The following TMEM156 variants were observed in gnomAD, a reference collection of about 807,000 sequenced individuals.
TMEM156 encodes the protein transmembrane protein 156.
TMEM156 carries 28 observed loss-of-function variants against 30.5 expected under a neutral mutation model. The ratio of observed to expected loss-of-function variants is 0.92; its 90% CI spans 0.68 to 1.26. The LOEUF is 1.26. TMEM156 is among the 50% of genes most tolerant of loss of function. The pLI is 0.00. For synonymous variants in TMEM156, 137 were observed against 119.9 expected (o/e 1.14, Z -0.93); for missense variants, 351 against 340.6 (o/e 1.03, Z -0.24).
chr4:39,000,164 T>G (rs1577550503), intron 1 of TMEM156, among the ~76,000 whole-genome samples: 2 of 152,008 alleles, frequency 1.3e-5, no homozygotes, highest in Admixed American at 6.6e-5. Flanking sequence ...GAGGCAGAGG[T>G]GGGCAGATTG....
At chr4:38,992,295 A>AC (rs1712523400) in intron 3 of TMEM156, among the ~76,000 whole-genome samples, 1 of 151,754 alleles carries the variant, frequency 6.6e-6, no homozygotes. Context: ...TAACTTCATG[A>AC]CCCCAACACC....
rs778075341 is a variant in TMEM156 at position 38,998,664 on chromosome 4, T to C, written c.334A>G (p.Ile112Val). The change falls in exon 2 of 7, where the codon ATT (isoleucine) becomes GTT (valine). Residue 112 changes from isoleucine (I) to valine (V), a missense_variant. Transcript: ENST00000381938. ...CCTTTTGATGTTTGTTCCTGAGAAA[T>C]AAAATCCATGTTTCCTTTAGACTCA... Reference protein sequence around the residue: ...VCESKGNMDFISQEQTSKVLI... With the variant: ...VCESKGNMDFVSQEQTSKVLI... The C allele has an allele frequency of 3.1e-6, 5 of 1,611,852 alleles. No individual in the cohort carries two copies. Among genetic ancestry groups the C allele is most frequent in the Admixed American group, 1.7e-5 (1 of 59,826 alleles).
intron 5 of TMEM156, among the ~76,000 whole-genome samples, chr4:38,971,803 T>C (rs539984289): frequency 3.7e-4 from 56 of 152,282 alleles, no homozygotes; most frequent in African/African-American, 1.3e-3. Context: ...TAATTTTTTT[T>C]TTTAAGACAG....
intron 5 of TMEM156, among the ~76,000 whole-genome samples, chr4:38,973,005 C>T (rs1033668575): frequency 7.9e-5 from 12 of 152,188 alleles, no homozygotes; most frequent in Middle Eastern, 3.4e-3. Context: ...ATAAATGAGT[C>T]GTAGCATTGA....
chr4:39,022,661 A>G (rs1714947916), intron 1 of TMEM156, among the ~76,000 whole-genome samples: 1 of 152,206 alleles, frequency 6.6e-6, no homozygotes, highest in Non-Finnish European at 1.5e-5. Flanking sequence ...GTTGACCTCT[A>G]CCAATAAGTG....
chr4:39,013,972 T>G (rs2110030512), intron 1 of TMEM156, among the ~76,000 whole-genome samples: 1 of 152,318 alleles, frequency 6.6e-6, no homozygotes, highest in East Asian at 1.9e-4. Flanking sequence ...ATATGGTCTC[T>G]GTTGCAACTA....
chr4:39,017,205 C>CAA (rs1560382951), intron 1 of TMEM156, among the ~76,000 whole-genome samples: 67 of 111,586 alleles, frequency 6.0e-4, no homozygotes, highest in African/African-American at 2.4e-3. Flanking sequence ...GACAGAGTCT[C>CAA]GCTCTGTCTC....
At chr4:39,011,405 C>G (rs1427387945) in intron 1 of TMEM156, among the ~76,000 whole-genome samples, 3 of 152,068 alleles carry the variant, frequency 2.0e-5, no homozygotes, top group Admixed American at 1.3e-4. Flanking sequence ...GGGAATATAC[C>G]TAAAAGAAGA....
chr4:38,993,645 T>C lies in TMEM156; in HGVS notation c.619+93A>G, dbSNP rs1712701301. Reference sequence around the variant, plus strand: ...TATTTCATCAGTAAAATTCTTCAGCTATTTGGCTTTCAGTTAATGTGATAG... The same window carrying C: ...TATTTCATCAGTAAAATTCTTCAGCCATTTGGCTTTCAGTTAATGTGATAG... On this transcript the variant is annotated intron_variant, in intron 3 of 6. Transcript: ENST00000381938. The C allele has an allele frequency of 3.0e-6, 3 of 992,706 alleles. No individual in the cohort carries two copies. In the Admixed American group the frequency reaches 7.2e-5, roughly 24 times the overall value. 61.5% of individuals were successfully genotyped at this position (992,706 alleles called of 1,614,324 possible).
intron 1 of TMEM156, among the ~76,000 whole-genome samples, chr4:39,000,468 C>A (rs10030495): frequency 6.6e-6 from 1 of 152,096 alleles, no homozygotes. Flanking sequence ...TTAATCTCCA[C>A]GAGTCTAATT....
chr4:38,977,817 G>T (rs1722942263), intron 5 of TMEM156, among the ~76,000 whole-genome samples: 1 of 152,154 alleles, frequency 6.6e-6, no homozygotes, highest in Non-Finnish European at 1.5e-5. Flanking sequence ...GGATTTTCAG[G>T]AGTAGAAACT....
intron 5 of TMEM156, among the ~76,000 whole-genome samples, chr4:38,977,231 T>C (rs1319104152): frequency 6.6e-6 from 1 of 152,142 alleles, no homozygotes; most frequent in African/African-American, 2.4e-5. Context: ...AAGGTTAAGA[T>C]ATCAAAAGAG....
At chr4:38,999,216 A>T (rs1005557371) in intron 1 of TMEM156, among the ~76,000 whole-genome samples, 7 of 150,342 alleles carry the variant, frequency 4.7e-5, no homozygotes, top group African/African-American at 1.7e-4. Context: ...TCCCAGGCTC[A>T]GGCAATTCTC....
rs1482617467 is a variant in TMEM156 at position 38,993,874 on chromosome 4, T to C, written c.483A>G (p.Leu161=). 1 of 1,614,022 alleles carries C rather than the reference T, an allele frequency of 6.2e-7. No homozygotes were observed. Among genetic ancestry groups the C allele is most frequent in the Non-Finnish European group, 8.5e-7 (1 of 1,180,022 alleles). Reference sequence around the variant, plus strand: ...TTGTTGATCTTCCAGTGTGGTTTTTTAGATGACAGGTAGTGTTATATTCCT... The same window carrying C: ...TTGTTGATCTTCCAGTGTGGTTTTTCAGATGACAGGTAGTGTTATATTCCT... The part of the protein sequence containing the change: ...HLEEYNTTCH[L]KNHTGRSTIM... The change falls in exon 3 of 7, where the codon CTA becomes CTG. Residue 161 remains leucine, a synonymous_variant. Coordinates refer to ENST00000381938, the MANE Select transcript of TMEM156 (RefSeq NM_024943.3).
intron 5 of TMEM156, among the ~76,000 whole-genome samples, chr4:38,975,956 C>T (rs1722829020): frequency 6.6e-6 from 1 of 151,986 alleles, no homozygotes; most frequent in Admixed American, 6.6e-5. Context: ...AGAAACGGCC[C>T]TTCCTGAGGT....
At chr4:38,977,780 G>T (rs1025114251) in intron 5 of TMEM156, among the ~76,000 whole-genome samples, 1 of 152,114 alleles carries the variant, frequency 6.6e-6, no homozygotes, top group Non-Finnish European at 1.5e-5. Context: ...TCTGAATTTT[G>T]ACCTGGCTGA....
chr4:38,977,556 G>T (rs375314415), intron 5 of TMEM156, among the ~76,000 whole-genome samples: 1 of 152,114 alleles, frequency 6.6e-6, no homozygotes, highest in Non-Finnish European at 1.5e-5. Context: ...TAGCTAAAAC[G>T]GGTGGAAATT....
At chr4:39,007,945 T>A (rs66761799) in intron 1 of TMEM156, among the ~76,000 whole-genome samples, 13,954 of 152,204 alleles carry the variant, frequency 0.092, 744 homozygotes, top group Admixed American at 0.16. Context: ...CTGTTGGTAG[T>A]ATATGGAAAT....
At chr4:38,988,475 G>A (rs1394985380) in intron 4 of TMEM156, among the ~76,000 whole-genome samples, 1 of 152,056 alleles carries the variant, frequency 6.6e-6, no homozygotes, top group Non-Finnish European at 1.5e-5. Flanking sequence ...CAGGTGATCC[G>A]CCTGCCTCAG....
Sources: gnomAD v4.1 joint callset for allele counts (sites outside exome capture counted in the v4.1 genomes callset) on GRCh38, gnomAD v4.1.1 for gene constraint, MANE v1.5 for transcripts, NCBI Gene and HGNC (gene_info 2026-07-23, HGNC 2026-07-21) for gene names.